RBFOX1: variants seen among roughly 807,000 people sequenced by gnomAD.
RBFOX1 encodes the protein RNA binding protein fox-1 homolog 1.
A neutral mutation model predicts 57.7 loss-of-function variants in RBFOX1; 8 were observed. The ratio of observed to expected loss-of-function variants is 0.14; its 90% CI spans 0.08 to 0.25. The LOEUF is 0.25. Among genes scored for constraint, RBFOX1 ranks in the 10% least tolerant of loss-of-function variants. RBFOX1 has a pLI of 1.00. For missense variants in RBFOX1, 611 were observed against 548.5 expected, an observed-to-expected ratio of 1.11 and a Z score of -1.14; for synonymous variants, 326 against 222.4, an observed-to-expected ratio of 1.47 and a Z score of -4.15.
intron 3 of RBFOX1, among the ~76,000 whole-genome samples, chr16:7,036,730 CAAAGA>C (rs145683529): frequency 0.37 from 49,131 of 132,006 alleles, 9,888 homozygotes; most frequent in South Asian, 0.56. Context: ...AAAAAACAAA[CAAAGA>C]AAAAAAAAAA....
intron 3 of RBFOX1, among the ~76,000 whole-genome samples, chr16:6,857,784 T>G (rs1384042255): frequency 6.6e-6 from 1 of 152,194 alleles, no homozygotes; most frequent in East Asian, 1.9e-4. Context: ...CAGCACTTTC[T>G]TGCCCCAGCT....
In RBFOX1 at chr16:6,019,876, C is replaced by T. The variant is rs773426117; in HGVS notation, c.-243C>T. ...GCGGACAGTGCGTGAGAAACCAGCA[C>T]CCCCTTCCGCCGCCTCCAGCTTATG... On this transcript the variant is annotated 5_prime_UTR_variant, in exon 1 of 16. Coordinates refer to ENST00000550418, the MANE Select transcript of RBFOX1 (RefSeq NM_018723.4). The surrounding 1 kb of genome is among the most constrained non-coding windows in gnomAD (Gnocchi z 4.2). 1.3e-6 allele frequency: 2 copies of T among 1,534,756 alleles called. No individual in the cohort carries two copies. Among genetic ancestry groups the T allele is most frequent in the Admixed American group, 2.0e-5 (1 of 50,954 alleles).
intron 2 of RBFOX1, among the ~76,000 whole-genome samples, chr16:6,342,745 A>G (rs1175693241): frequency 6.6e-6 from 1 of 152,168 alleles, no homozygotes; most frequent in Non-Finnish European, 1.5e-5. Flanking sequence ...TTCGGTGCGT[A>G]TCTCCAAATT....
At chr16:6,139,949 A>C (rs2152697643) in intron 1 of RBFOX1, among the ~76,000 whole-genome samples, 1 of 152,314 alleles carries the variant, frequency 6.6e-6, no homozygotes, top group East Asian at 1.9e-4. Context: ...GATGGTCTTG[A>C]TGAGAGCAGA....
At chr16:6,170,335 C>T (rs958652354) in intron 1 of RBFOX1, among the ~76,000 whole-genome samples, 4 of 152,124 alleles carry the variant, frequency 2.6e-5, no homozygotes, top group Non-Finnish European at 2.9e-5. Flanking sequence ...CTGTCCTGCT[C>T]TCTGCTCTTT....
chr16:7,374,717 C>T (rs777827165), intron 4 of RBFOX1, among the ~76,000 whole-genome samples: 1 of 152,210 alleles, frequency 6.6e-6, no homozygotes, highest in Non-Finnish European at 1.5e-5. Flanking sequence ...AACACGTACT[C>T]GGTCCCCTTC....
intron 2 of RBFOX1, among the ~76,000 whole-genome samples, chr16:6,618,627 G>A (rs1431900825): frequency 6.6e-6 from 1 of 152,162 alleles, no homozygotes. Context: ...ACTTCTCCAA[G>A]GTTACGTGGC....
At position 6,193,377 on chromosome 16, in the gene RBFOX1, C is replaced by CT. The variant is rs1210176333; in HGVS notation, c.-126-123618_-126-123617insT. ...TACATTATATATATATATATATATA[C>CT]ATTATATATATATACTATATATATA... is the stretch of plus-strand genomic sequence containing the variant. On this transcript the variant is annotated intron_variant, in intron 1 of 15. Transcript: ENST00000550418. Among the ~76,000 whole-genome samples, 181 of 56,378 alleles carry CT rather than the reference C, an allele frequency of 3.2e-3. 7 individuals carry two copies. The highest frequency in any genetic ancestry group is 4.7e-3 in the South Asian group (7 of 1,498). 37.0% of individuals were successfully genotyped at this position (56,378 alleles called of 152,430 possible).
intron 2 of RBFOX1, among the ~76,000 whole-genome samples, chr16:6,348,126 G>T (rs2085682255): frequency 6.6e-6 from 1 of 152,136 alleles, no homozygotes; most frequent in Admixed American, 6.5e-5. Context: ...ATGGGTTTGT[G>T]TGGTTTGAGG....
At chr16:5,403,679 C>A (rs2066782933) in intron 1 of RBFOX1, among the ~76,000 whole-genome samples, 1 of 152,132 alleles carries the variant, frequency 6.6e-6, no homozygotes, top group Non-Finnish European at 1.5e-5. Context: ...TTCCTGACTT[C>A]AGTTGATCTG....
intron 3 of RBFOX1, among the ~76,000 whole-genome samples, chr16:6,696,925 A>G (rs2061140230): frequency 6.6e-6 from 1 of 152,320 alleles, no homozygotes; most frequent in Non-Finnish European, 1.5e-5. Flanking sequence ...AACCCCCAAT[A>G]TAAACTCCAG....
At chr16:5,967,873 G>A (rs2059879307) in intron 4 of RBFOX1, among the ~76,000 whole-genome samples, 1 of 152,082 alleles carries the variant, frequency 6.6e-6, no homozygotes, top group South Asian at 2.1e-4. Flanking sequence ...GGGACTGGCT[G>A]TTTTGTTTTG....
chr16:7,673,528 G>C (rs1372017151), intron 13 of RBFOX1, among the ~76,000 whole-genome samples: 2 of 152,126 alleles, frequency 1.3e-5, no homozygotes, highest in South Asian at 2.1e-4. Flanking sequence ...GCAACATAGT[G>C]AGACCCCATC....
At chr16:6,668,169 G>T (rs888905329) in intron 3 of RBFOX1, among the ~76,000 whole-genome samples, 14 of 152,210 alleles carry the variant, frequency 9.2e-5, no homozygotes, top group African/African-American at 2.7e-4. Context: ...TAAAGGTGCA[G>T]ACCAGGGATT....
At chr16:6,433,846 CTTTTTTT>C (rs201617630) in intron 2 of RBFOX1, among the ~76,000 whole-genome samples, 26 of 127,178 alleles carry the variant, frequency 2.0e-4, no homozygotes, top group Admixed American at 9.7e-4. Context: ...TTTCATTTTT[CTTTTTTT>C]TTTTTTTTTT....
At chr16:7,248,609 G>A (rs1326186855) in intron 4 of RBFOX1, among the ~76,000 whole-genome samples, 3 of 152,170 alleles carry the variant, frequency 2.0e-5, no homozygotes, top group Non-Finnish European at 4.4e-5. Flanking sequence ...TCTTTATGGT[G>A]AGTGAACTTA....
At chr16:6,757,949 CA>C (rs1371234127) in intron 3 of RBFOX1, among the ~76,000 whole-genome samples, 1 of 151,860 alleles carries the variant, frequency 6.6e-6, no homozygotes, top group Non-Finnish European at 1.5e-5. Context: ...AGATTTTAAA[CA>C]ATTACAACAA....
At chr16:7,142,363 C>T (rs2074004864) in intron 4 of RBFOX1, among the ~76,000 whole-genome samples, 1 of 152,140 alleles carries the variant, frequency 6.6e-6, no homozygotes, top group Non-Finnish European at 1.5e-5. Context: ...GACTGGTTAC[C>T]ATGCCCGTGA....
At chr16:6,026,023 C>A (rs888594883) in intron 1 of RBFOX1, among the ~76,000 whole-genome samples, 1 of 152,184 alleles carries the variant, frequency 6.6e-6, no homozygotes, top group Non-Finnish European at 1.5e-5. Context: ...TCGCCTCCCC[C>A]ACCCACCCAG....
Sources: gnomAD v4.1 joint callset for allele counts (sites outside exome capture counted in the v4.1 genomes callset) on GRCh38, gnomAD v4.1.1 for gene constraint, Gnocchi (gnomAD v3.1) non-coding constraint, MANE v1.5 for transcripts, NCBI Gene and HGNC (gene_info 2026-07-23, HGNC 2026-07-21) for gene names.